ZNF710: variants seen among roughly 807,000 people sequenced by gnomAD.
ZNF710 encodes the protein zinc finger protein 710.
Under a neutral mutation model 50.6 loss-of-function variants are expected in ZNF710, and 13 were observed. The observed-to-expected ratio is 0.26, with a 90% CI of 0.17 to 0.41. ZNF710 has a LOEUF of 0.41. ZNF710 is among the 10% of genes least tolerant of loss of function. ZNF710 has a pLI of 1.00. For missense variants in ZNF710, 721 were observed against 936.6 expected (o/e 0.77, Z 3.01); for synonymous variants, 383 against 397.0 (o/e 0.96, Z 0.42).
chr15:90,000,714 C>T (rs1472147474), upstream of ZNF710, among the ~76,000 whole-genome samples: 1 of 152,218 alleles, frequency 6.6e-6, no homozygotes, highest in Non-Finnish European at 1.5e-5. Context: ...GAAGCACACA[C>T]ACCCAGCTTG....
At chr15:90,076,191 G>A (rs1900585723) in intron 4 of ZNF710, 2 of 152,240 alleles carry the variant, frequency 1.3e-5, no homozygotes, top group Admixed American at 1.3e-4. Flanking sequence ...CATGTTGGGA[G>A]TCACCTGAGG....
Position 90,067,185 on chromosome 15 carries a change from G to A in ZNF710, c.48G>A (p.Val16=), listed in dbSNP as rs754598510. Residue 16 remains valine, a synonymous_variant, in exon 2 of 5, where the codon GTG becomes GTA. Transcript: ENST00000268154. This position sits in a 1 kb window ranked among gnomAD's most constrained non-coding sequence, Gnocchi z 8.1. ...DSGTQTDAVV[V]LSLAQAAVLG... ...GGACACAGACGGACGCCGTGGTGGT[G>A]CTGTCCTTGGCTCAGGCCGCCGTGC... is the stretch of plus-strand genomic sequence containing the variant. The A allele has an allele frequency of 1.1e-5, 17 of 1,613,004 alleles. No homozygotes were observed. The South Asian group carries it at 1.9e-4, about 18-fold the overall frequency.
At position 90,012,290 on chromosome 15, in the gene ZNF710, ATTTTTTTTT is replaced by A. The variant is rs1026567607; in HGVS notation, c.-29+10693_-29+10701del. Among the ~76,000 whole-genome samples, 5 of 94,552 alleles carry A rather than the reference ATTTTTTTTT, an allele frequency of 5.3e-5. No homozygotes were observed. In the East Asian group the frequency reaches 1.3e-3, roughly 25 times the overall value. 62.0% of individuals were successfully genotyped at this position (94,552 alleles called of 152,430 possible). A position where few individuals can be genotyped will look rare whatever the true frequency, so the allele number is the denominator to read the frequency against. ...TTCTCTGTGGTTGTTTTGAGTGTGC[ATTTTTTTTT>A]TTTTTTTTTTTTTTTTGTAGTCTTG... is the stretch of plus-strand genomic sequence containing the variant. On this transcript the variant is annotated intron_variant, in intron 1 of 4. Transcript: ENST00000268154.
chr15:90,079,467 A>T (rs1007325110), intron 4 of ZNF710, among the ~76,000 whole-genome samples, 193 bp from the exon 5 acceptor site: 2 of 152,196 alleles, frequency 1.3e-5, no homozygotes, highest in Non-Finnish European at 2.9e-5. Context: ...TTTGGGGCCT[A>T]GGTCTGGTCA....
chr15:90,031,098 C>A (rs1210784574), intron 1 of ZNF710, among the ~76,000 whole-genome samples: 1 of 148,234 alleles, frequency 6.7e-6, no homozygotes, highest in East Asian at 1.9e-4. Context: ...ATGGCCATTT[C>A]TTTTTCTTTC....
At chr15:90,049,849 C>T (rs1280180830) in intron 1 of ZNF710, among the ~76,000 whole-genome samples, 1 of 152,220 alleles carries the variant, frequency 6.6e-6, no homozygotes, top group African/African-American at 2.4e-5. Context: ...ATGTGGCTCC[C>T]GCCTTCTCTG....
At chr15:90,023,562 T>TA (rs1898684417) in intron 1 of ZNF710, among the ~76,000 whole-genome samples, 1 of 152,170 alleles carries the variant, frequency 6.6e-6, no homozygotes, top group Admixed American at 6.5e-5. Flanking sequence ...CTCATGCCTG[T>TA]AATCCCTGTG....
intron 1 of ZNF710, among the ~76,000 whole-genome samples, chr15:90,039,555 G>A (rs898775649): frequency 3.9e-5 from 6 of 152,136 alleles, no homozygotes; most frequent in East Asian, 1.9e-4. Context: ...GTGCTCAACC[G>A]AGTATTGAAT....
chr15:90,071,511 C>G (rs545269942), intron 2 of ZNF710, among the ~76,000 whole-genome samples: 3 of 151,936 alleles, frequency 2.0e-5, no homozygotes, highest in Admixed American at 2.0e-4. Context: ...GACATAGACA[C>G]GGGAACCATT....
chr15:90,038,228 C>T (rs1455491055), intron 1 of ZNF710, among the ~76,000 whole-genome samples: 2 of 152,196 alleles, frequency 1.3e-5, no homozygotes, highest in African/African-American at 4.8e-5. Flanking sequence ...CATCATGGAG[C>T]AGGTTGGGAA....
chr15:90,074,581 C>G, intron 4 of ZNF710: 1 of 1,278,750 alleles, frequency 7.8e-7, no homozygotes, highest in Non-Finnish European at 1.0e-6. Context: ...TCATGTGATC[C>G]TCAAAGCGAG....
chr15:90,067,965 C>T lies in ZNF710; in HGVS notation c.828C>T (p.Ile276=), dbSNP rs1365885213. 1.2e-6 allele frequency: 2 copies of T among 1,614,170 alleles called. No individual in the cohort carries two copies. The highest frequency in any genetic ancestry group is 1.3e-5 in the African/African-American group (1 of 75,086). The change falls in exon 2 of 5, where the codon ATC becomes ATT. Residue 276 remains isoleucine, a synonymous_variant. Coordinates refer to ENST00000268154, the MANE Select transcript of ZNF710 (RefSeq NM_198526.4). This position sits in a 1 kb window ranked among gnomAD's most constrained non-coding sequence, Gnocchi z 8.1. ...HKKAQLDRLD[I]NVQIDDSYLV... ...AGGCCCAGCTGGATCGGCTGGACATCAACGTGCAGATTGACGACTCCTATC... is the reference window on the plus strand; with the variant it reads ...AGGCCCAGCTGGATCGGCTGGACATTAACGTGCAGATTGACGACTCCTATC...
At chr15:90,073,662 T>C (rs1900474168) in intron 3 of ZNF710, among the ~76,000 whole-genome samples, 1 of 151,970 alleles carries the variant, frequency 6.6e-6, no homozygotes, top group Admixed American at 6.6e-5. Flanking sequence ...TGGGGTCACA[T>C]GGAAAAGCAT....
At chr15:90,027,479 G>A (rs1263435343) in intron 1 of ZNF710, among the ~76,000 whole-genome samples, 2 of 152,024 alleles carry the variant, frequency 1.3e-5, no homozygotes, top group African/African-American at 2.4e-5. Flanking sequence ...CAAAGTGCTA[G>A]GATTATAGAC....
intron 1 of ZNF710, among the ~76,000 whole-genome samples, chr15:90,035,444 C>T (rs1239578814): frequency 3.9e-5 from 6 of 152,226 alleles, no homozygotes; most frequent in East Asian, 1.9e-4. Context: ...GAAGGCAGGA[C>T]TCCCAGGGCT....
intron 1 of ZNF710, among the ~76,000 whole-genome samples, chr15:90,035,700 C>T (rs1899102092): frequency 6.6e-6 from 1 of 152,242 alleles, no homozygotes; most frequent in Non-Finnish European, 1.5e-5. Context: ...ATTTGGATAG[C>T]AAACAGCGAT....
rs1365980495 is a variant in ZNF710 at position 90,073,212 on chromosome 15, C to T, written c.1600C>T (p.Leu534Phe). 3.1e-6 allele frequency: 5 copies of T among 1,614,228 alleles called. No individual in the cohort carries two copies. The change falls in exon 3 of 5, where the codon CTC becomes TTC. Residue 534 changes from leucine to phenylalanine, a missense_variant. By Grantham distance (22) the Leu-to-Phe change is conservative (BLOSUM62 0). Transcript: ENST00000268154. ...CFKTFVQKQT[L>F]KTHMIVHSPV... ...CAAGACCTTTGTACAGAAGCAGACT[C>T]TCAAGACCCACATGATTGTACACTC... is the stretch of plus-strand genomic sequence containing the variant.
At chr15:90,064,898 C>T (rs755501704) in intron 1 of ZNF710, among the ~76,000 whole-genome samples, 3 of 152,130 alleles carry the variant, frequency 2.0e-5, no homozygotes, top group Non-Finnish European at 2.9e-5. Context: ...TTTTCATCCC[C>T]GTTTTTCAGA....
intron 1 of ZNF710, among the ~76,000 whole-genome samples, chr15:90,047,572 CTTTTCT>C (rs1899502409): frequency 6.7e-6 from 1 of 148,546 alleles, no homozygotes; most frequent in African/African-American, 2.5e-5. Flanking sequence ...ATACAAGTTT[CTTTTCT>C]TTTTCTTTTT....
Sources: gnomAD v4.1 joint callset for allele counts (sites outside exome capture counted in the v4.1 genomes callset) on GRCh38, gnomAD v4.1.1 for gene constraint, Gnocchi (gnomAD v3.1) non-coding constraint, MANE v1.5 for transcripts, NCBI Gene and HGNC (gene_info 2026-07-23, HGNC 2026-07-21) for gene names.